RABEP1: variants seen among roughly 807,000 people sequenced by gnomAD.
RABEP1 encodes rab GTPase-binding effector protein 1.
A neutral mutation model predicts 123.4 loss-of-function variants in RABEP1; 51 were observed. That is an observed-to-expected ratio of 0.41 (90% confidence interval 0.33 to 0.52). The LOEUF is 0.52. RABEP1 is among the 20% of genes least tolerant of loss of function. The pLI is 0.16. For missense variants in RABEP1, 888 were observed against 996.3 expected, an observed-to-expected ratio of 0.89 and a Z score of 1.46; for synonymous variants, 347 against 355.2, an observed-to-expected ratio of 0.98 and a Z score of 0.26.
At position 5,381,261 on chromosome 17, in the gene RABEP1, C is replaced by T. The variant is rs3026111; in HGVS notation, c.2371-128C>T. 3.4e-3 allele frequency: 4,426 copies of T among 1,309,902 alleles called. 127 individuals carry two copies. The African/African-American group carries it at 0.057, about 17-fold the overall frequency. 81.1% of individuals were successfully genotyped at this position (1,309,902 alleles called of 1,614,324 possible). ...TTGCCCTATAGATAAAGAGATTGGT[C>T]GTGTATAGGAGTGCGACGGATATCC... On this transcript the variant is annotated intron_variant, in intron 16 of 17. Transcript: ENST00000537505.
In RABEP1 at chr17:5,383,434, C is replaced by G. The variant is rs1597306613; in HGVS notation, c.*211C>G. ...CAGCCCAGAGACCTTCAAATGCGAACACTATAAACTCCAGGCTTGATTCCA... is the reference window on the plus strand; with the variant it reads ...CAGCCCAGAGACCTTCAAATGCGAAGACTATAAACTCCAGGCTTGATTCCA... On this transcript the variant is annotated 3_prime_UTR_variant, in exon 18 of 18. Transcript: ENST00000537505. 7.4e-5 allele frequency: 40 copies of G among 539,048 alleles called. No individual in the cohort carries two copies. In the East Asian group the frequency reaches 1.2e-3, roughly 17 times the overall value. 33.4% of individuals were successfully genotyped at this position (539,048 alleles called of 1,614,324 possible).
At chr17:5,350,180 A>G (rs1017276278) in intron 6 of RABEP1, among the ~76,000 whole-genome samples, 5 of 152,110 alleles carry the variant, frequency 3.3e-5, no homozygotes, top group Non-Finnish European at 7.4e-5. Flanking sequence ...GGAGATCGAG[A>G]CCATCCTGGC....
In RABEP1 at chr17:5,361,867, G is replaced by A. The variant is rs183195539; in HGVS notation, c.1563+192G>A. ...GGGTATTCCAGGTAATTGTGACAGA[G>A]AAAGGAGCTAGCTAGTTAATCACAG... On this transcript the variant is annotated intron_variant, in intron 9 of 17. Coordinates refer to ENST00000537505, the MANE Select transcript of RABEP1 (RefSeq NM_004703.6). 6.5e-5 allele frequency: 37 copies of A among 572,104 alleles called. No individual in the cohort carries two copies. The East Asian group carries it at 1.0e-3, about 16-fold the overall frequency. 35.4% of individuals were successfully genotyped at this position (572,104 alleles called of 1,614,324 possible). A position where few individuals can be genotyped will look rare whatever the true frequency, so the allele number is the denominator to read the frequency against.
At chr17:5,319,184 A>G (rs564393376) in intron 2 of RABEP1, among the ~76,000 whole-genome samples, 1 of 151,418 alleles carries the variant, frequency 6.6e-6, no homozygotes, top group Non-Finnish European at 1.5e-5. Context: ...CAAAAAATTA[A>G]CCGGGTGTGG....
intron 1 of RABEP1, among the ~76,000 whole-genome samples, chr17:5,283,373 C>G (rs1597317747): frequency 6.6e-6 from 1 of 152,098 alleles, no homozygotes; most frequent in African/African-American, 2.4e-5. Context: ...GGGCCCCATC[C>G]TAAATAATCA....
At chr17:5,359,096 C>T (rs748351718) in intron 8 of RABEP1, among the ~76,000 whole-genome samples, 11 of 145,518 alleles carry the variant, frequency 7.6e-5, no homozygotes, top group South Asian at 2.2e-4. Flanking sequence ...TTTTTTGAGA[C>T]GGAGTCTCGC....
intron 8 of RABEP1, among the ~76,000 whole-genome samples, chr17:5,355,397 C>T (rs183939943): frequency 3.3e-5 from 5 of 152,276 alleles, no homozygotes; most frequent in Admixed American, 2.6e-4. Flanking sequence ...AACTGCTTCT[C>T]TTATTGCCTT....
At chr17:5,316,752 G>T (rs2075300261) in intron 2 of RABEP1, among the ~76,000 whole-genome samples, 2 of 134,986 alleles carry the variant, frequency 1.5e-5, no homozygotes. Flanking sequence ...AGAATTGCCT[G>T]AACCCAAGAG....
At chr17:5,366,723 C>T (rs1910026071) in intron 11 of RABEP1, among the ~76,000 whole-genome samples, 1 of 151,520 alleles carries the variant, frequency 6.6e-6, no homozygotes, top group South Asian at 2.1e-4. Flanking sequence ...TAGGTGTGAG[C>T]CATGCACCTG....
In RABEP1 at chr17:5,304,972, A is replaced by T. The variant is rs368176788; in HGVS notation, c.35-3722A>T. Among the ~76,000 whole-genome samples the T allele has an allele frequency of 2.0e-4, 30 of 152,264 alleles. No individual in the cohort carries two copies. The South Asian group carries it at 5.6e-3, about 28-fold the overall frequency. ...TAATAATGACAGCTAACACTTATCAAGTTTGTTCTATATGCCACACTAAGT... is the reference window on the plus strand; with the variant it reads ...TAATAATGACAGCTAACACTTATCATGTTTGTTCTATATGCCACACTAAGT... On this transcript the variant is annotated intron_variant, in intron 1 of 17. Transcript: ENST00000537505.
At chr17:5,364,306 G>A (rs1401897264) in intron 10 of RABEP1, 2 of 152,306 alleles carry the variant, frequency 1.3e-5, no homozygotes, top group South Asian at 4.1e-4. Context: ...AGAAAATGAT[G>A]TATTGTAGGA....
At chr17:5,373,259 A>G in intron 12 of RABEP1, 55 bp from the exon 13 acceptor site, 4 of 1,559,172 alleles carry the variant, frequency 2.6e-6, no homozygotes, top group South Asian at 2.4e-5. Context: ...TGGTGTAGCT[A>G]TCACCAGACC....
intron 17 of RABEP1, chr17:5,381,824 G>A (rs1911487387): frequency 5.0e-6 from 1 of 200,218 alleles, no homozygotes; most frequent in Non-Finnish European, 9.8e-6. Context: ...TGTTTTACAT[G>A]TTTAACTGCT....
intron 13 of RABEP1, 64 bp from the exon 14 acceptor site, chr17:5,377,052 T>C: frequency 6.8e-7 from 1 of 1,477,528 alleles, no homozygotes; most frequent in South Asian, 1.3e-5. Flanking sequence ...TTACAGAAAA[T>C]CTTTAGCTTC....
chr17:5,308,762 C>G lies in RABEP1; in HGVS notation c.103C>G (p.Leu35Val), dbSNP rs1426303133. ...NAEFLRAQQQ[L>V]EQEFNQKRAK... ...AGAATTTTTACGTGCACAACAGCAG[C>G]TTGAACAAGAATTTAATCAAAAGAG... The change falls in exon 2 of 18, where the codon CTT (leucine) becomes GTT (valine). Residue 35 changes from leucine to valine, a missense_variant. Physicochemically the swap from Leu to Val is conservative, Grantham distance 32. Transcript: ENST00000537505. 4 of 1,611,452 alleles carry G rather than the reference C, an allele frequency of 2.5e-6. 1 individual carries two copies. The South Asian group carries it at 4.4e-5, about 18-fold the overall frequency.
At chr17:5,308,917 C>T in intron 2 of RABEP1, 95 bp downstream of exon 2, 1 of 1,225,288 alleles carries the variant, frequency 8.2e-7, no homozygotes, top group Non-Finnish European at 1.1e-6. Flanking sequence ...TTGAATAAAC[C>T]TTGATTTTAT....
chr17:5,339,609 C>T (rs1475495824), intron 5 of RABEP1, among the ~76,000 whole-genome samples: 5 of 151,952 alleles, frequency 3.3e-5, no homozygotes, highest in Non-Finnish European at 5.9e-5. Flanking sequence ...ACCAGCCTGG[C>T]CAACATGGTG....
At chr17:5,311,321 T>C (rs527343068) in intron 2 of RABEP1, among the ~76,000 whole-genome samples, 1 of 152,298 alleles carries the variant, frequency 6.6e-6, no homozygotes, top group Non-Finnish European at 1.5e-5. Flanking sequence ...AAAATATGCA[T>C]ATAAATGTTT....
chr17:5,338,260 T>C, intron 5 of RABEP1, 122 bp downstream of exon 5: 1 of 1,275,434 alleles, frequency 7.8e-7, no homozygotes, highest in Non-Finnish European at 1.0e-6. Flanking sequence ...TTAAGAATCT[T>C]TCTTTAAAAT....
Sources: allele counts gnomAD v4.1 joint callset (sites outside exome capture counted in the v4.1 genomes callset), GRCh38; gene constraint gnomAD v4.1.1; transcripts MANE v1.5; gene names NCBI Gene and HGNC (gene_info 2026-07-23, HGNC 2026-07-21).